The following DCDC1 variants were observed in gnomAD, a reference collection of about 807,000 sequenced individuals.
DCDC1 encodes the protein doublecortin domain containing 1, also known as doublecortin domain-containing protein 1.
In DCDC1, 200 loss-of-function variants were observed where a neutral mutation model predicts 178.3. That is an observed-to-expected ratio of 1.12 (90% CI 1.00 to 1.26). The LOEUF is 1.26. Ranked by LOEUF, DCDC1 falls within the 50% of genes most tolerant of loss-of-function variation. DCDC1 has a pLI of 0.00. For missense variants in DCDC1, 1,983 were observed against 1,749.2 expected, an observed-to-expected ratio of 1.13 and a Z score of -2.38; for synonymous variants, 690 against 604.8, an observed-to-expected ratio of 1.14 and a Z score of -2.07.
intron 28 of DCDC1, among the ~76,000 whole-genome samples, chr11:30,911,031 G>A (rs1301020113): frequency 6.6e-6 from 1 of 152,106 alleles, no homozygotes; most frequent in African/African-American, 2.4e-5. Context: ...GAGACCATAA[G>A]CTTGATGAAT....
intron 22 of DCDC1, among the ~76,000 whole-genome samples, chr11:30,927,779 T>C (rs1246588670): frequency 6.6e-6 from 1 of 152,148 alleles, no homozygotes; most frequent in Non-Finnish European, 1.5e-5. Context: ...CTCAAAATTG[T>C]CTAGAGTGAA....
At chr11:31,356,709 AAGAG>A (rs1416316648) in intron 1 of DCDC1, among the ~76,000 whole-genome samples, 2 of 151,064 alleles carry the variant, frequency 1.3e-5, no homozygotes, top group African/African-American at 4.9e-5. Flanking sequence ...TAAAGAAAAA[AAGAG>A]AGAAGAATCA....
chr11:31,195,768 G>GA (rs1555112904), intron 9 of DCDC1, among the ~76,000 whole-genome samples: 1 of 150,000 alleles, frequency 6.7e-6, no homozygotes, highest in Non-Finnish European at 1.5e-5. Flanking sequence ...AAATATTTTT[G>GA]TTTTTTTTTA....
chr11:31,214,757 T>C (rs1387290387), intron 9 of DCDC1, among the ~76,000 whole-genome samples: 1 of 152,208 alleles, frequency 6.6e-6, no homozygotes, highest in Admixed American at 6.5e-5. Flanking sequence ...ATCATTTTAA[T>C]TCACTAATAC....
chr11:31,182,591 A>G (rs934662634), intron 9 of DCDC1, among the ~76,000 whole-genome samples: 1 of 152,160 alleles, frequency 6.6e-6, no homozygotes, highest in African/African-American at 2.4e-5. Context: ...CTAAATATGT[A>G]AAAACAAAAC....
chr11:31,294,055 A>G (rs1238215367), intron 6 of DCDC1, among the ~76,000 whole-genome samples: 1 of 152,164 alleles, frequency 6.6e-6, no homozygotes, highest in Admixed American at 6.5e-5. Context: ...TCATTCAACA[A>G]TATTTACTGG....
At chr11:31,253,368 T>G (rs998415638) in intron 8 of DCDC1, among the ~76,000 whole-genome samples, 1 of 151,478 alleles carries the variant, frequency 6.6e-6, no homozygotes, top group Non-Finnish European at 1.5e-5. Context: ...TTTTTTTTTT[T>G]TTTTTTGAGA....
chr11:30,928,557 T>C (rs1946735634), intron 22 of DCDC1, among the ~76,000 whole-genome samples: 1 of 864 alleles, frequency 1.2e-3, no homozygotes, highest in African/African-American at 5.3e-3. Context: ...AGTTGGCCAT[T>C]CAGAAAGCTA....
intron 3 of DCDC1, among the ~76,000 whole-genome samples, chr11:31,315,414 G>T (rs993043570): frequency 1.5e-5 from 2 of 136,052 alleles, no homozygotes; most frequent in Admixed American, 1.7e-4. Flanking sequence ...TCGGCTCACT[G>T]CAAGCTCCAC....
chr11:31,205,371 T>A (rs116065986), intron 9 of DCDC1, among the ~76,000 whole-genome samples: 7 of 152,280 alleles, frequency 4.6e-5, no homozygotes, highest in African/African-American at 1.7e-4. Flanking sequence ...GCCTAAAATA[T>A]GACAAAATGT....
At chr11:31,231,707 A>C (rs1975795446) in intron 9 of DCDC1, among the ~76,000 whole-genome samples, 1 of 77,646 alleles carries the variant, frequency 1.3e-5, no homozygotes, top group Admixed American at 1.3e-4. Context: ...GAGGGAACAC[A>C]AAAAAAAATG....
Position 30,906,525 on chromosome 11 carries a change from C to A in DCDC1, c.4104+15G>T. The A allele has an allele frequency of 6.2e-7, 1 of 1,607,732 alleles. No individual in the cohort carries two copies. Among genetic ancestry groups the A allele is most frequent in the South Asian group, 1.1e-5 (1 of 89,976 alleles). ...TTGCCATACATGCATTAGCAGAGCT[C>A]AGATCATTACATACCTCAGCCACAC... On this transcript the variant is annotated intron_variant, in intron 30 of 38. Transcript: ENST00000684477.
Position 31,066,472 on chromosome 11 carries a change from C to T in DCDC1, c.2299-1319G>A, listed in dbSNP as rs140787273. Reference sequence around the variant, plus strand: ...TTACTGCACTTTTTAAAGTGTGGAGCTAAAATTCTAAAAAACAAAAATTAT... The same window carrying T: ...TTACTGCACTTTTTAAAGTGTGGAGTTAAAATTCTAAAAAACAAAAATTAT... On this transcript the variant is annotated intron_variant, in intron 18 of 38. Transcript: ENST00000684477. Among the ~76,000 whole-genome samples, 150 of 152,176 alleles carry T rather than the reference C, an allele frequency of 9.9e-4. 1 individual carries two copies. The highest frequency in any genetic ancestry group is 3.3e-3 in the African/African-American group (135 of 41,518).
chr11:31,162,121 A>T (rs1208899694), intron 9 of DCDC1, among the ~76,000 whole-genome samples: 1 of 152,156 alleles, frequency 6.6e-6, no homozygotes, highest in African/African-American at 2.4e-5. Context: ...TGATTAATTG[A>T]TTTTTAGTAA....
chr11:31,273,055 G>A (rs1945692173), intron 7 of DCDC1, among the ~76,000 whole-genome samples: 1 of 152,158 alleles, frequency 6.6e-6, no homozygotes, highest in Non-Finnish European at 1.5e-5. Context: ...TGTAGTATGG[G>A]ACCCTGGGCC....
intron 11 of DCDC1, among the ~76,000 whole-genome samples, chr11:31,112,298 C>T (rs1345243570): frequency 6.6e-6 from 1 of 152,166 alleles, no homozygotes; most frequent in East Asian, 1.9e-4. Flanking sequence ...TATTTATTTA[C>T]TTATTCCTCC....
intron 9 of DCDC1, among the ~76,000 whole-genome samples, chr11:31,158,698 GA>G (rs1161871143): frequency 1.3e-5 from 2 of 152,090 alleles, no homozygotes; most frequent in Non-Finnish European, 1.5e-5. Context: ...TAAATGTTTT[GA>G]ATTGTCTTTT....
chr11:31,175,683 C>G (rs953342540), intron 9 of DCDC1, among the ~76,000 whole-genome samples: 2 of 152,200 alleles, frequency 1.3e-5, no homozygotes, highest in Admixed American at 1.3e-4. Flanking sequence ...AACCTCCATG[C>G]CCACATGTGT....
intron 9 of DCDC1, among the ~76,000 whole-genome samples, chr11:31,211,418 C>T (rs550858773): frequency 2.0e-5 from 3 of 152,182 alleles, no homozygotes; most frequent in African/African-American, 7.2e-5. Context: ...ATGCCTACTA[C>T]CTGAATTGCT....
Sources: gnomAD v4.1 joint callset for allele counts (sites outside exome capture counted in the v4.1 genomes callset) on GRCh38, gnomAD v4.1.1 for gene constraint, MANE v1.5 for transcripts, NCBI Gene and HGNC (gene_info 2026-07-23, HGNC 2026-07-21) for gene names.